CNTN4: variants seen among roughly 807,000 people sequenced by gnomAD.
CNTN4 encodes the protein contactin 4.
A neutral mutation model predicts 122.5 loss-of-function variants in CNTN4; 77 were observed. The ratio of observed to expected loss-of-function variants is 0.63; its 90% CI spans 0.52 to 0.76. The LOEUF (loss-of-function observed/expected upper bound fraction) is 0.76, where lower values mean the gene tolerates loss of function less well. CNTN4 is among the 30% of genes least tolerant of loss of function. The pLI is 0.00. For missense variants in CNTN4, 1,256 were observed against 1,259.1 expected, an observed-to-expected ratio of 1.00 and a Z score of 0.04; for synonymous variants, 512 against 447.0, an observed-to-expected ratio of 1.15 and a Z score of -1.83.
intron 6 of CNTN4, among the ~76,000 whole-genome samples, chr3:2,759,083 G>A (rs868822778): frequency 6.6e-6 from 1 of 152,046 alleles, no homozygotes; most frequent in African/African-American, 2.4e-5. Context: ...CGTAATATAT[G>A]TGGCCTTTTA....
intron 3 of CNTN4, among the ~76,000 whole-genome samples, chr3:2,524,844 T>C (rs999472511): frequency 6.6e-6 from 1 of 152,150 alleles, no homozygotes; most frequent in Non-Finnish European, 1.5e-5. Context: ...AATAATTGTT[T>C]AGTTAACACA....
chr3:2,119,758 G>A (rs1055861249), intron 2 of CNTN4, among the ~76,000 whole-genome samples: 4 of 150,942 alleles, frequency 2.7e-5, no homozygotes, highest in Admixed American at 2.6e-4. Flanking sequence ...TAAGCCGTAG[G>A]ACCAAGCTAG....
At chr3:2,158,090 G>C (rs1009169510) in intron 2 of CNTN4, among the ~76,000 whole-genome samples, 3 of 97,066 alleles carry the variant, frequency 3.1e-5, no homozygotes, top group African/African-American at 8.1e-5. Flanking sequence ...CTTTAATTTT[G>C]CATATACTGC....
At chr3:2,557,108 T>G (rs545458224) in intron 3 of CNTN4, among the ~76,000 whole-genome samples, 1 of 152,330 alleles carries the variant, frequency 6.6e-6, no homozygotes, top group Non-Finnish European at 1.5e-5. Flanking sequence ...TTATCACTAA[T>G]TAGGATTCTA....
intron 23 of CNTN4, among the ~76,000 whole-genome samples, chr3:3,051,299 C>T (rs1452765134): frequency 6.6e-6 from 1 of 152,180 alleles, no homozygotes; most frequent in Non-Finnish European, 1.5e-5. Flanking sequence ...AATGCAAGCA[C>T]AGCCTTCAAT....
intron 2 of CNTN4, among the ~76,000 whole-genome samples, chr3:2,149,737 T>C (rs983132673): frequency 1.3e-5 from 2 of 152,174 alleles, no homozygotes; most frequent in Non-Finnish European, 2.9e-5. Flanking sequence ...CCCTGTAATA[T>C]AAAATTAATT....
chr3:2,362,375 C>A, intron 3 of CNTN4: 1 of 331,342 alleles, frequency 3.0e-6, no homozygotes. Context: ...AATGAAATGA[C>A]CAAGGCCCAG....
At chr3:2,698,591 T>C (rs2728030) in intron 4 of CNTN4, among the ~76,000 whole-genome samples, 123,551 of 152,212 alleles carry the variant, frequency 0.81, 50,470 homozygotes, top group African/African-American at 0.9. Flanking sequence ...TGTCTACATA[T>C]GTTTCTAAGT....
At chr3:2,812,351 C>G (rs2092632871) in intron 6 of CNTN4, among the ~76,000 whole-genome samples, 1 of 152,064 alleles carries the variant, frequency 6.6e-6, no homozygotes, top group Admixed American at 6.6e-5. Context: ...CATTCTCAGA[C>G]CAGAAGATTA....
chr3:2,285,697 T>A lies in CNTN4; in HGVS notation c.-144-53481T>A, dbSNP rs146802712. Among the ~76,000 whole-genome samples the A allele has an allele frequency of 8.1e-3, 1,226 of 152,238 alleles. 18 individuals are homozygous for A. The highest frequency in any genetic ancestry group is 0.028 in the African/African-American group (1,161 of 41,572). On this transcript the variant is annotated intron_variant, in intron 2 of 24. Coordinates refer to ENST00000418658, the MANE Select transcript of CNTN4 (RefSeq NM_175607.3). ...AAGGTAATTAGTTTTCTGTAATTCT[T>A]ACACGAAGAGATCATCACTAATGTC... is the stretch of plus-strand genomic sequence containing the variant.
At chr3:2,708,650 T>C (rs1004089967) in intron 4 of CNTN4, among the ~76,000 whole-genome samples, 57 of 150,732 alleles carry the variant, frequency 3.8e-4, no homozygotes, top group African/African-American at 1.4e-3. Flanking sequence ...GAGACCTTCA[T>C]GTACTTCCTA....
chr3:2,721,344 T>TG (rs1487209030), intron 4 of CNTN4, among the ~76,000 whole-genome samples: 1 of 152,130 alleles, frequency 6.6e-6, no homozygotes, highest in African/African-American at 2.4e-5. Flanking sequence ...AAACAAATCA[T>TG]GGTAGTGGCA....
intron 3 of CNTN4, among the ~76,000 whole-genome samples, chr3:2,569,255 T>G (rs887937342): frequency 6.6e-6 from 1 of 152,244 alleles, no homozygotes; most frequent in African/African-American, 2.4e-5. Flanking sequence ...GTTCATTTTC[T>G]GTTAGCTCCC....
chr3:2,397,341 C>T (rs2046676973), intron 3 of CNTN4, among the ~76,000 whole-genome samples: 1 of 152,146 alleles, frequency 6.6e-6, no homozygotes, highest in South Asian at 2.1e-4. Context: ...GAGTACTTAG[C>T]TTTAATACTT....
chr3:2,620,364 G>C (rs2081946814), intron 4 of CNTN4, among the ~76,000 whole-genome samples: 1 of 152,098 alleles, frequency 6.6e-6, no homozygotes, highest in Admixed American at 6.5e-5. Context: ...GCCAGGCATG[G>C]TGGCATGTGC....
chr3:2,367,073 A>C (rs1167953433), intron 3 of CNTN4, among the ~76,000 whole-genome samples: 1 of 151,916 alleles, frequency 6.6e-6, no homozygotes, highest in African/African-American at 2.4e-5. Flanking sequence ...TTTATTGTGC[A>C]GTTCTCTCTC....
At chr3:2,339,832 T>G (rs1337837876) in intron 3 of CNTN4, among the ~76,000 whole-genome samples, 1 of 152,248 alleles carries the variant, frequency 6.6e-6, no homozygotes, top group Non-Finnish European at 1.5e-5. Flanking sequence ...CTCTCACATT[T>G]GTGGAATCTA....
At chr3:2,229,425 G>T (rs1236366703) in intron 2 of CNTN4, among the ~76,000 whole-genome samples, 1 of 152,108 alleles carries the variant, frequency 6.6e-6, no homozygotes, top group African/African-American at 2.4e-5. Context: ...TAGGTAAAAT[G>T]CATTTCAGTT....
intron 2 of CNTN4, among the ~76,000 whole-genome samples, chr3:2,146,295 C>A (rs1002891722): frequency 1.3e-5 from 2 of 150,558 alleles, no homozygotes; most frequent in African/African-American, 2.4e-5. Context: ...TTAGCTACTA[C>A]AAATTGAAGT....
Sources: gnomAD v4.1 joint callset for allele counts (sites outside exome capture counted in the v4.1 genomes callset) on GRCh38, gnomAD v4.1.1 for gene constraint, MANE v1.5 for transcripts, NCBI Gene and HGNC (gene_info 2026-07-23, HGNC 2026-07-21) for gene names.